Variants in CREB5 observed in about 807,000 individuals in gnomAD.
The protein encoded by CREB5 is cAMP responsive element binding protein 5.
In CREB5, 19 loss-of-function variants were observed where a neutral mutation model predicts 57.1. That is an observed-to-expected ratio of 0.33 (90% CI 0.23 to 0.49). The LOEUF (loss-of-function observed/expected upper bound fraction) is 0.49. Among genes scored for constraint, CREB5 ranks in the 20% least tolerant of loss-of-function variants. The pLI is 0.99. For synonymous variants in CREB5, 238 were observed against 238.3 expected, an observed-to-expected ratio of 1.00 and a Z score of 0.01; for missense variants, 579 against 671.6, an observed-to-expected ratio of 0.86 and a Z score of 1.52.
At chr7:28,802,692 G>A (rs758349910) in intron 7 of CREB5, among the ~76,000 whole-genome samples, 22 of 152,250 alleles carry the variant, frequency 1.4e-4, no homozygotes, top group Non-Finnish European at 2.9e-4. Context: ...ATAATTGACT[G>A]TGTCACAGAA....
chr7:28,758,223 G>C (rs1002926377), intron 7 of CREB5, among the ~76,000 whole-genome samples: 1 of 152,180 alleles, frequency 6.6e-6, no homozygotes, highest in African/African-American at 2.4e-5. Context: ...GACAGGATTT[G>C]TGCTCACAGG....
chr7:28,689,399 C>A (rs1459930197), intron 5 of CREB5, among the ~76,000 whole-genome samples: 1 of 151,960 alleles, frequency 6.6e-6, no homozygotes, highest in East Asian at 1.9e-4. Context: ...ACCTGGGAGG[C>A]GGAGCTTGCA....
rs1417521694 is a variant in CREB5, at chr7:28,302,403, AC to A, written c.-25+2963del. Among the ~76,000 whole-genome samples, 3 of 152,362 alleles carry A rather than the reference AC, an allele frequency of 2.0e-5. No homozygotes were observed. The East Asian group carries it at 5.8e-4, about 29-fold the overall frequency. ...TTCACACATGTTAAAGCTGAAATTG[AC>A]AATGGACTTTAATGTGTTTTTGTCA... On this transcript the variant is annotated intron_variant, in intron 1 of 9. Transcript: ENST00000396299.
At chr7:28,640,016 C>A (rs1003194122) in intron 5 of CREB5, among the ~76,000 whole-genome samples, 2 of 152,186 alleles carry the variant, frequency 1.3e-5, no homozygotes, top group Non-Finnish European at 2.9e-5. Context: ...TGCCTCTTCA[C>A]TCTGGCCTCA....
intron 8 of CREB5, among the ~76,000 whole-genome samples, chr7:28,804,826 G>C (rs1583786361): frequency 1.3e-5 from 2 of 152,308 alleles, no homozygotes; most frequent in Admixed American, 1.3e-4. Flanking sequence ...AAAGTAATAT[G>C]AATCAATGGA....
chr7:28,371,756 TTA>T (rs1209121180), intron 1 of CREB5, among the ~76,000 whole-genome samples: 2 of 152,156 alleles, frequency 1.3e-5, no homozygotes, highest in Admixed American at 1.3e-4. Flanking sequence ...CTCACTGCAC[TTA>T]TTCTAAGACG....
intron 1 of CREB5, among the ~76,000 whole-genome samples, chr7:28,311,772 T>C (rs1248583898): frequency 1.3e-5 from 2 of 152,204 alleles, no homozygotes; most frequent in African/African-American, 4.8e-5. Flanking sequence ...TGGCTTGTCA[T>C]TGAAGACCCT....
intron 5 of CREB5, among the ~76,000 whole-genome samples, chr7:28,637,983 TG>T (rs2128697898): frequency 6.6e-6 from 1 of 152,314 alleles, no homozygotes; most frequent in Non-Finnish European, 1.5e-5. Context: ...ACATCGTTTT[TG>T]GTGACTTAAT....
chr7:28,410,104 C>T (rs942570347), upstream of CREB5: 75 of 392,464 alleles, frequency 1.9e-4, no homozygotes, highest in Admixed American at 2.2e-3. Context: ...CTCCCCGGTG[C>T]GGAGCTGCAG....
chr7:28,336,763 G>A (rs1317021989), intron 1 of CREB5, among the ~76,000 whole-genome samples: 3 of 150,312 alleles, frequency 2.0e-5, no homozygotes, highest in Non-Finnish European at 3.0e-5. Context: ...TGCTTTTCTA[G>A]TTCTTCAACA....
chr7:28,392,864 C>G (rs770111290), intron 1 of CREB5, among the ~76,000 whole-genome samples: 3 of 152,152 alleles, frequency 2.0e-5, no homozygotes, highest in Non-Finnish European at 4.4e-5. Context: ...CACCTCAGAC[C>G]CTCTTTGTTT....
intron 1 of CREB5, among the ~76,000 whole-genome samples, chr7:28,466,981 AG>A (rs1230869702): frequency 6.6e-6 from 1 of 152,250 alleles, no homozygotes; most frequent in African/African-American, 2.4e-5. Flanking sequence ...CAGCCACAGC[AG>A]GGGGCTTTTC....
chr7:28,677,193 A>G (rs1191537689), intron 5 of CREB5, among the ~76,000 whole-genome samples: 1 of 152,210 alleles, frequency 6.6e-6, no homozygotes, highest in Non-Finnish European at 1.5e-5. Context: ...CATTTACGTT[A>G]TCAACTTAAT....
At chr7:28,589,004 C>G (rs1157083056) in intron 5 of CREB5, among the ~76,000 whole-genome samples, 1 of 152,152 alleles carries the variant, frequency 6.6e-6, no homozygotes, top group East Asian at 1.9e-4. Context: ...AGAAAACGAG[C>G]AGCTTAGAAA....
chr7:28,573,302 T>C (rs1222595253), intron 5 of CREB5, among the ~76,000 whole-genome samples: 1 of 152,186 alleles, frequency 6.6e-6, no homozygotes, highest in South Asian at 2.1e-4. Flanking sequence ...CAGAACCATA[T>C]TGTAGTAATA....
At chr7:28,580,852 T>A (rs1243089008) in intron 5 of CREB5, among the ~76,000 whole-genome samples, 2 of 152,140 alleles carry the variant, frequency 1.3e-5, no homozygotes, top group Non-Finnish European at 2.9e-5. Flanking sequence ...TGTCCTTCTC[T>A]TGGTTCATTT....
At chr7:28,652,096 A>T (rs1213253477) in intron 5 of CREB5, among the ~76,000 whole-genome samples, 1 of 152,210 alleles carries the variant, frequency 6.6e-6, no homozygotes, top group East Asian at 1.9e-4. Flanking sequence ...TTGGCAATGG[A>T]GTAATCTCTT....
At chr7:28,563,621 G>A (rs1795364593) in intron 4 of CREB5, among the ~76,000 whole-genome samples, 1 of 152,196 alleles carries the variant, frequency 6.6e-6, no homozygotes, top group Non-Finnish European at 1.5e-5. Flanking sequence ...AACCTCCTGG[G>A]CTCAAGTGAT....
At position 28,525,010 on chromosome 7, in the gene CREB5, A is replaced by G. The variant is rs528665360; in HGVS notation, c.291+17273A>G. 3.2e-3 allele frequency among the ~76,000 whole-genome samples: 437 copies of G among 136,052 alleles called. 2 individuals carry two copies. Among genetic ancestry groups the G allele is most frequent in the African/African-American group, 0.011 (407 of 37,484 alleles). 89.3% of individuals were successfully genotyped at this position (136,052 alleles called of 152,430 possible). A position where few individuals can be genotyped will look rare whatever the true frequency, so the allele number is the denominator to read the frequency against. Reference sequence around the variant, plus strand: ...CCCCGACCCTTCCCAGCTTCTGGTAACCATCATTCTACTCTCTACCTTCAT... The same window carrying G: ...CCCCGACCCTTCCCAGCTTCTGGTAGCCATCATTCTACTCTCTACCTTCAT... On this transcript the variant is annotated intron_variant, in intron 4 of 10. Coordinates refer to ENST00000357727, the MANE Select transcript of CREB5 (RefSeq NM_182898.4).
Sources: gnomAD v4.1 joint callset for allele counts (sites outside exome capture counted in the v4.1 genomes callset) on GRCh38, gnomAD v4.1.1 for gene constraint, MANE v1.5 for transcripts, NCBI Gene and HGNC (gene_info 2026-07-23, HGNC 2026-07-21) for gene names.